Variants in TMEM108 observed in about 807,000 individuals in gnomAD.
TMEM108 encodes the protein cancer/testis antigen 124.
Under a neutral mutation model 35.1 loss-of-function variants are expected in TMEM108, and 12 were observed. That is an observed-to-expected ratio of 0.34 (90% confidence interval 0.22 to 0.55). The LOEUF is 0.55. Ranked by LOEUF, TMEM108 falls within the 20% of genes least tolerant of loss-of-function variation. The probability of loss-of-function intolerance (pLI) is 0.89; values close to 1 mark genes in which losing one functional copy is unlikely to be tolerated. For missense variants in TMEM108, 680 were observed against 753.3 expected (o/e 0.90, Z 1.14); for synonymous variants, 287 against 308.6 (o/e 0.93, Z 0.73).
chr3:133,199,617 C>G (rs1021500534), intron 2 of TMEM108, among the ~76,000 whole-genome samples: 3 of 152,172 alleles, frequency 2.0e-5, no homozygotes, highest in African/African-American at 7.2e-5. Flanking sequence ...TGCAGAACAG[C>G]AAATGTTGCT....
chr3:133,170,112 T>C (rs1298386254), intron 2 of TMEM108, among the ~76,000 whole-genome samples: 3 of 152,232 alleles, frequency 2.0e-5, no homozygotes, highest in African/African-American at 7.2e-5. Flanking sequence ...AAGAGATGAC[T>C]TAATGTTGTT....
chr3:133,137,446 G>T (rs183649470), intron 2 of TMEM108, among the ~76,000 whole-genome samples: 1 of 152,078 alleles, frequency 6.6e-6, no homozygotes, highest in Non-Finnish European at 1.5e-5. Flanking sequence ...ATCCTGTCAC[G>T]CCTGCCCCAG....
At chr3:133,134,787 C>T (rs774940997) in intron 2 of TMEM108, among the ~76,000 whole-genome samples, 24 of 152,042 alleles carry the variant, frequency 1.6e-4, no homozygotes, top group Non-Finnish European at 2.2e-4. Flanking sequence ...CCAACCTCCC[C>T]GCTTCTGAGT....
At chr3:133,125,585 T>C (rs1189075891) in intron 2 of TMEM108, among the ~76,000 whole-genome samples, 1 of 152,206 alleles carries the variant, frequency 6.6e-6, no homozygotes, top group East Asian at 1.9e-4. Context: ...GATCCTAGGG[T>C]ACATGCTATG....
intron 2 of TMEM108, among the ~76,000 whole-genome samples, chr3:133,094,372 A>G (rs1943986921): frequency 6.6e-6 from 1 of 151,986 alleles, no homozygotes; most frequent in African/African-American, 2.4e-5. Context: ...GGCCTTGGAT[A>G]AGTTAGCAAA....
intron 3 of TMEM108, among the ~76,000 whole-genome samples, chr3:133,320,811 G>A (rs975269478): frequency 1.3e-5 from 2 of 152,102 alleles, no homozygotes; most frequent in African/African-American, 4.8e-5. Context: ...TTAGATTAAC[G>A]GCACATTTCT....
At chr3:133,382,218 G>A (rs73209853) in intron 4 of TMEM108, among the ~76,000 whole-genome samples, 6,681 of 152,034 alleles carry the variant, frequency 0.044, 181 homozygotes, top group Non-Finnish European at 0.062. Context: ...TCATATCCCC[G>A]CTCCTTGGAC....
At chr3:133,117,757 A>T (rs1470091952) in intron 2 of TMEM108, among the ~76,000 whole-genome samples, 1 of 152,134 alleles carries the variant, frequency 6.6e-6, no homozygotes, top group Non-Finnish European at 1.5e-5. Context: ...TTGGGGTTTG[A>T]TTGGGTGCAC....
intron 2 of TMEM108, among the ~76,000 whole-genome samples, chr3:133,150,143 A>G (rs946391996): frequency 6.6e-6 from 1 of 152,116 alleles, no homozygotes; most frequent in African/African-American, 2.4e-5. Flanking sequence ...CACCTTCACC[A>G]TCACTTGTTA....
chr3:133,318,108 T>C, intron 3 of TMEM108, among the ~76,000 whole-genome samples: 1 of 152,218 alleles, frequency 6.6e-6, no homozygotes. Flanking sequence ...ACAGTTCAGA[T>C]TGCTGGTGGT....
intron 2 of TMEM108, among the ~76,000 whole-genome samples, chr3:133,061,769 G>A (rs1943539225): frequency 6.6e-6 from 1 of 152,214 alleles, no homozygotes; most frequent in South Asian, 2.1e-4. Context: ...TAGGCATACT[G>A]CACTGGTGTG....
intron 3 of TMEM108, among the ~76,000 whole-genome samples, chr3:133,285,969 A>G (rs1249315126): frequency 1.3e-5 from 2 of 152,222 alleles, no homozygotes; most frequent in Admixed American, 6.5e-5. Flanking sequence ...TTACGAAGCT[A>G]TCTTGACCCA....
At chr3:133,206,141 G>A (rs1237868282) in intron 2 of TMEM108, among the ~76,000 whole-genome samples, 1 of 152,162 alleles carries the variant, frequency 6.6e-6, no homozygotes, top group Admixed American at 6.5e-5. Flanking sequence ...GTGTTTTTCA[G>A]CTCCATCAGG....
chr3:133,386,723 A>G (rs891850384), intron 4 of TMEM108: 1 of 1,352,562 alleles, frequency 7.4e-7, no homozygotes, highest in African/African-American at 1.5e-5. Context: ...TTGTGTTTGC[A>G]TAGAGCTGCG....
chr3:133,278,983 C>T (rs1946874315), intron 3 of TMEM108, among the ~76,000 whole-genome samples: 1 of 152,182 alleles, frequency 6.6e-6, no homozygotes, highest in Non-Finnish European at 1.5e-5. Context: ...TGAGGTAAAA[C>T]ACCACCCTTG....
At chr3:133,245,072 C>G (rs1219903121) in intron 3 of TMEM108, among the ~76,000 whole-genome samples, 3 of 152,156 alleles carry the variant, frequency 2.0e-5, no homozygotes, top group African/African-American at 4.8e-5. Context: ...TTTTCTAGGA[C>G]AGGACTTTTA....
In TMEM108 at chr3:133,267,107, G is replaced by C. The variant is rs150354754; in HGVS notation, c.40+37756G>C. Among the ~76,000 whole-genome samples, 33 of 150,210 alleles carry C rather than the reference G, an allele frequency of 2.2e-4. No individual in the cohort carries two copies. In the South Asian group the frequency reaches 6.8e-3, roughly 31 times the overall value. ...AAAAAAAAAAAAAAAGAACTCCCAA[G>C]GTAAAGGGATATAGTTGCTGTAGAG... is the stretch of plus-strand genomic sequence containing the variant. On this transcript the variant is annotated intron_variant, in intron 3 of 5. Transcript: ENST00000321871.
chr3:133,377,016 G>A lies in TMEM108; in HGVS notation c.41-2736G>A, dbSNP rs111828461. ...TTGCAGATGGCGTCCTCTAGCTGCC[G>A]TGTCCTCACATGATCATCCCTCTGT... On this transcript the variant is annotated intron_variant, in intron 3 of 5. Coordinates refer to ENST00000321871, the MANE Select transcript of TMEM108 (RefSeq NM_023943.4). 9.7e-3 allele frequency among the ~76,000 whole-genome samples: 1,471 copies of A among 152,244 alleles called. 18 individuals carry two copies. The highest frequency in any genetic ancestry group is 0.032 in the African/African-American group (1,349 of 41,542).
intron 2 of TMEM108, among the ~76,000 whole-genome samples, chr3:133,170,983 G>T (rs1376482613): frequency 1.3e-5 from 2 of 152,160 alleles, no homozygotes; most frequent in African/African-American, 4.8e-5. Context: ...AACAGATATT[G>T]TTAGCAGGAT....
Sources: allele counts gnomAD v4.1 joint callset (sites outside exome capture counted in the v4.1 genomes callset), GRCh38; gene constraint gnomAD v4.1.1; transcripts MANE v1.5; gene names NCBI Gene and HGNC (gene_info 2026-07-23, HGNC 2026-07-21).